Variants in PTPRD observed in about 807,000 individuals in gnomAD.
PTPRD encodes the protein receptor-type tyrosine-protein phosphatase delta.
PTPRD carries 34 observed loss-of-function variants against 214.5 expected under a neutral mutation model. The ratio of observed to expected loss-of-function variants is 0.16; its 90% CI spans 0.12 to 0.21. The LOEUF is 0.21. Among genes scored for constraint, PTPRD ranks in the 10% least tolerant of loss-of-function variants. PTPRD has a pLI of 1.00. For synonymous variants in PTPRD, 1,128 were observed against 845.7 expected, an observed-to-expected ratio of 1.33 and a Z score of -5.79; for missense variants, 2,545 against 2,398.7, an observed-to-expected ratio of 1.06 and a Z score of -1.27.
At chr9:9,983,539 G>T (rs865823817) in intron 4 of PTPRD, among the ~76,000 whole-genome samples, 1 of 152,098 alleles carries the variant, frequency 6.6e-6, no homozygotes, top group Non-Finnish European at 1.5e-5. Context: ...CAGCTACACC[G>T]TAAGCCCTAT....
At chr9:9,575,742 A>G (rs1479922306) in intron 7 of PTPRD, among the ~76,000 whole-genome samples, 3 of 140,642 alleles carry the variant, frequency 2.1e-5, no homozygotes, top group Admixed American at 7.3e-5. Context: ...AAAAAAAAAA[A>G]AAAAGAAAGA....
chr9:8,668,580 T>G (rs1408493931), intron 12 of PTPRD, among the ~76,000 whole-genome samples: 1 of 152,190 alleles, frequency 6.6e-6, no homozygotes, highest in African/African-American at 2.4e-5. Flanking sequence ...AAACAAAGAC[T>G]AGACGATTTA....
rs150844913 is a variant in PTPRD, at chr9:8,671,175, C to T, written c.65-34331G>A. Reference sequence around the variant, plus strand: ...AAATAGAAAATAAATGTATTCTAAACGAATAACCCAAAATTTGAACAACTT... The same window carrying T: ...AAATAGAAAATAAATGTATTCTAAATGAATAACCCAAAATTTGAACAACTT... On this transcript the variant is annotated intron_variant, in intron 12 of 45. Coordinates refer to ENST00000381196, the MANE Select transcript of PTPRD (RefSeq NM_002839.4). Among the ~76,000 whole-genome samples the T allele has an allele frequency of 1.5e-3, 231 of 152,118 alleles. No homozygotes were observed. The Middle Eastern group carries it at 0.017, about 11-fold the overall frequency.
At chr9:9,572,169 T>C (rs1008518701) in intron 8 of PTPRD, among the ~76,000 whole-genome samples, 3 of 151,372 alleles carry the variant, frequency 2.0e-5, no homozygotes, top group African/African-American at 7.3e-5. Context: ...GTGCAAATAT[T>C]CAGTGGTGCT....
chr9:8,693,492 T>A lies in PTPRD; in HGVS notation c.64+40288A>T, dbSNP rs2097850446. ...AATTATTAGCATTCACTATGTTTTT[T>A]CATTTCCCTAAAGTCTTATTCTTTG... On this transcript the variant is annotated intron_variant, in intron 12 of 45. Transcript: ENST00000381196. Among the ~76,000 whole-genome samples, 3 of 152,224 alleles carry A rather than the reference T, an allele frequency of 2.0e-5. No individual in the cohort carries two copies. The South Asian group carries it at 6.2e-4, about 31-fold the overall frequency.
intron 3 of PTPRD, among the ~76,000 whole-genome samples, chr9:10,290,868 C>A (rs980728501): frequency 3.3e-5 from 5 of 152,028 alleles, no homozygotes; most frequent in African/African-American, 9.7e-5. Flanking sequence ...AGTACACATG[C>A]AAAATCCTAC....
chr9:9,069,279 T>C (rs1436036011), intron 10 of PTPRD, among the ~76,000 whole-genome samples: 4 of 152,188 alleles, frequency 2.6e-5, no homozygotes, highest in African/African-American at 9.6e-5. Flanking sequence ...TATAAGTCAA[T>C]GCTTATTAAA....
intron 12 of PTPRD, among the ~76,000 whole-genome samples, chr9:8,676,935 C>A (rs989002053): frequency 1.3e-5 from 2 of 151,974 alleles, no homozygotes; most frequent in South Asian, 2.1e-4. Flanking sequence ...AGTAGGCACC[C>A]AAAATAAGTC....
rs1030434508 is a variant in PTPRD at position 8,316,040 on chromosome 9, T to G, written c.*1834A>C. The stretch of plus-strand genomic sequence containing the variant: ...ATATTTGTTACTAAAATAAGTTTGG[T>G]GCAGTTACTGCATGTTCCAGAGCGG... On this transcript the variant is annotated 3_prime_UTR_variant, in exon 46 of 46. Transcript: ENST00000381196. 3.1e-5 allele frequency: 7 copies of G among 228,446 alleles called. No homozygotes were observed. The highest frequency in any genetic ancestry group is 1.5e-4 in the African/African-American group (7 of 45,166). The allele number at this position is 228,446 out of a possible 1,614,324, so 14.2% of individuals were successfully genotyped here. A position where few individuals can be genotyped will look rare whatever the true frequency, so the allele number is the denominator to read the frequency against.
At chr9:9,509,257 C>T (rs924982578) in intron 8 of PTPRD, among the ~76,000 whole-genome samples, 1 of 151,524 alleles carries the variant, frequency 6.6e-6, no homozygotes, top group Non-Finnish European at 1.5e-5. Context: ...AATTTCTGCA[C>T]ACTAAAGGTC....
At chr9:9,826,699 A>G (rs1334959633) in intron 5 of PTPRD, among the ~76,000 whole-genome samples, 1 of 151,954 alleles carries the variant, frequency 6.6e-6, no homozygotes, top group Admixed American at 6.6e-5. Flanking sequence ...ACTTTTTTAA[A>G]AAGATCTTTT....
chr9:9,831,450 GA>G (rs1477223882), intron 5 of PTPRD, among the ~76,000 whole-genome samples: 18 of 151,940 alleles, frequency 1.2e-4, no homozygotes, highest in Admixed American at 1.1e-3. Context: ...CCCTGAAATT[GA>G]AATGGGAATA....
chr9:8,876,549 C>T (rs987075468), intron 11 of PTPRD, among the ~76,000 whole-genome samples: 1 of 152,136 alleles, frequency 6.6e-6, no homozygotes, highest in African/African-American at 2.4e-5. Flanking sequence ...GAATTTGGAG[C>T]TTCGTCATTT....
chr9:8,454,611 C>CA (rs769817040), intron 33 of PTPRD: 10 of 1,610,492 alleles, frequency 6.2e-6, no homozygotes, highest in Middle Eastern at 1.7e-4. Flanking sequence ...TTTAATGCAG[C>CA]AAAAAAAGGA....
rs188665909 is a variant in PTPRD at position 10,447,535 on chromosome 9, C to A, written c.-599-106518G>T. 6.7e-4 allele frequency among the ~76,000 whole-genome samples: 102 copies of A among 152,066 alleles called. 2 individuals carry two copies. Among genetic ancestry groups the A allele is most frequent in the African/African-American group, 2.1e-3 (87 of 41,362 alleles). On this transcript the variant is annotated intron_variant, in intron 2 of 45. Transcript: ENST00000381196. ...TCAAATCATTCTTCAGACCAAATTGCCTTCCACTATTCCCATCCACCACAT... is the reference window on the plus strand; with the variant it reads ...TCAAATCATTCTTCAGACCAAATTGACTTCCACTATTCCCATCCACCACAT...
At chr9:8,993,877 A>G (rs556987650) in intron 11 of PTPRD, among the ~76,000 whole-genome samples, 1 of 152,286 alleles carries the variant, frequency 6.6e-6, no homozygotes, top group Non-Finnish European at 1.5e-5. Flanking sequence ...CAGGAGGGAC[A>G]CAATGTAAAC....
chr9:9,663,706 T>A (rs779616333), intron 7 of PTPRD, among the ~76,000 whole-genome samples: 1 of 151,600 alleles, frequency 6.6e-6, no homozygotes, highest in African/African-American at 2.4e-5. Context: ...AAACTTTCAC[T>A]TATTTATTGG....
chr9:10,339,572 C>T (rs2096902746), intron 3 of PTPRD, among the ~76,000 whole-genome samples: 3 of 151,504 alleles, frequency 2.0e-5, no homozygotes, highest in South Asian at 4.2e-4. Flanking sequence ...CAAGATGGAT[C>T]GGCAAGATAG....
chr9:10,303,996 T>C (rs2095962669), intron 3 of PTPRD, among the ~76,000 whole-genome samples: 2 of 152,140 alleles, frequency 1.3e-5, no homozygotes, highest in African/African-American at 2.4e-5. Context: ...CTGATGAACA[T>C]TGATGCAAAA....
Sources: allele counts gnomAD v4.1 joint callset (sites outside exome capture counted in the v4.1 genomes callset), GRCh38; gene constraint gnomAD v4.1.1; transcripts MANE v1.5; gene names NCBI Gene and HGNC (gene_info 2026-07-23, HGNC 2026-07-21).